Variants in SLC35E4 observed in about 807,000 individuals in gnomAD.
SLC35E4 encodes the protein solute carrier family 35, member E4.
SLC35E4 carries 15 observed loss-of-function variants against 19.3 expected under a neutral mutation model. That is an observed-to-expected ratio of 0.78 (90% CI 0.52 to 1.20). SLC35E4 has a LOEUF of 1.20. Ranked by LOEUF, SLC35E4 falls within the 50% of genes most tolerant of loss-of-function variation. The pLI, the probability that SLC35E4 is intolerant of heterozygous loss-of-function variation, is 0.00. For missense variants in SLC35E4, 406 were observed against 472.3 expected (o/e 0.86, Z 1.30); for synonymous variants, 219 against 219.9 (o/e 1.00, Z 0.04).
At chr22:30,652,870 G>A (rs1453930695), downstream of SLC35E4, among the ~76,000 whole-genome samples, 4 of 152,214 alleles carry the variant, frequency 2.6e-5, no homozygotes, top group Admixed American at 2.0e-4. Flanking sequence ...TATTTAGTGT[G>A]AGCCCTTCCC....
chr22:30,649,635 G>A (rs2088180509), downstream of SLC35E4, among the ~76,000 whole-genome samples: 1 of 149,276 alleles, frequency 6.7e-6, no homozygotes, highest in Admixed American at 6.7e-5. Context: ...AGATGCCGCT[G>A]GCCCAGCCCA....
chr22:30,667,898 C>T (rs971295766), downstream of SLC35E4: 1 of 152,484 alleles, frequency 6.6e-6, no homozygotes, highest in Admixed American at 6.5e-5. Context: ...GACACTCCCT[C>T]CCCGGCCCCG....
At position 30,636,934 on chromosome 22, in the gene SLC35E4, C is replaced by G. The variant is rs1290903112; in HGVS notation, c.484C>G (p.Leu162Val). The part of the protein sequence containing the change: ...ALLLGRRHHP[L>V]QLAAMGPLCL... ...GCTGCTGGGCCGCCGCCACCACCCA[C>G]TTCAGTTGGCCGCCATGGGTCCGCT... Residue 162 changes from leucine (L) to valine (V), a missense_variant, in exon 1 of 2, where the codon CTT (leucine) becomes GTT (valine). Transcript: ENST00000343605. 3.7e-6 allele frequency: 6 copies of G among 1,612,136 alleles called. No homozygotes were observed. Among genetic ancestry groups the G allele is most frequent in the Non-Finnish European group, 3.4e-6 (4 of 1,179,306 alleles).
At chr22:30,663,214 C>G (rs2088527661) in exon 3 of SLC35E4, 1 of 548,656 alleles carries the variant, frequency 1.8e-6, no homozygotes, top group Non-Finnish European at 3.2e-6. Flanking sequence ...GCCAGTGTCA[C>G]TCACAGGGCA....
chr22:30,640,319 C>T (rs568913036), intron 1 of SLC35E4, among the ~76,000 whole-genome samples: 103 of 148,996 alleles, frequency 6.9e-4, no homozygotes, highest in African/African-American at 2.4e-3. Context: ...TGCAGTGAGC[C>T]GAGATCACGC....
chr22:30,649,056 C>A, downstream of SLC35E4: 1 of 649,990 alleles, frequency 1.5e-6, no homozygotes, highest in Non-Finnish European at 2.9e-6. Flanking sequence ...CCAGCTACCT[C>A]TCCTGGAGAT....
In SLC35E4 at chr22:30,646,605, G is replaced by A. The variant is rs55846646; in HGVS notation, c.627G>A (p.Leu209=). ...GCGGTTGTCCTGTTGCAGGTGCCCT[G>A]CTGCAGGAGGAGAGGCTGGACGCGG... ...RGLKSVQQSA[L]LQEERLDAVT... is the part of the protein sequence containing the mutation. Residue 209 remains leucine, a synonymous_variant, in exon 2 of 2, where the codon CTG becomes CTA. Coordinates refer to ENST00000343605, the MANE Select transcript of SLC35E4 (RefSeq NM_001001479.4). 0.034 allele frequency: 53,760 copies of A among 1,596,480 alleles called. 1,043 individuals are homozygous for A. Among genetic ancestry groups the A allele is most frequent in the Non-Finnish European group, 0.04 (46,388 of 1,169,696 alleles).
chr22:30,653,783 G>C (rs1310233595), intron 2 of SLC35E4: 1 of 152,098 alleles, frequency 6.6e-6, no homozygotes, highest in Non-Finnish European at 1.5e-5. Flanking sequence ...TGTTAGGCTG[G>C]AGCCCAAAAT....
intron 1 of SLC35E4, among the ~76,000 whole-genome samples, chr22:30,645,288 T>A (rs1010386504): frequency 1.3e-5 from 2 of 152,058 alleles, no homozygotes; most frequent in Admixed American, 1.3e-4. Context: ...ATGCAGAGTC[T>A]TCGAAGCTGG....
At chr22:30,641,312 C>T (rs1306007137) in intron 1 of SLC35E4, among the ~76,000 whole-genome samples, 5 of 152,174 alleles carry the variant, frequency 3.3e-5, no homozygotes, top group Non-Finnish European at 7.3e-5. Flanking sequence ...CCAGCTCCCT[C>T]CTTCCCTCCC....
chr22:30,641,297 T>A (rs1239120641), intron 1 of SLC35E4, among the ~76,000 whole-genome samples: 4 of 152,178 alleles, frequency 2.6e-5, no homozygotes, highest in Non-Finnish European at 5.9e-5. Context: ...GCATCTTGAC[T>A]CCTGCCAGCT....
At chr22:30,653,989 T>TG (rs939844666) in intron 2 of SLC35E4, 1 of 157,570 alleles carries the variant, frequency 6.3e-6, no homozygotes, top group African/African-American at 2.4e-5. Flanking sequence ...TTTTTTGTTT[T>TG]TTTTTTTTGA....
At chr22:30,648,554 C>T (rs1569060930), downstream of SLC35E4, among the ~76,000 whole-genome samples, 1 of 152,118 alleles carries the variant, frequency 6.6e-6, no homozygotes, top group Non-Finnish European at 1.5e-5. Context: ...GGGTTCGAGA[C>T]CAGCCTGGCC....
rs1339421995 is a variant in SLC35E4, at chr22:30,657,914, ATAATAATAAT to A, written c.*9-4145_*9-4136del. ...GCAAGACTCTGTCTCAAAAATAATA[ATAATAATAAT>A]AATAATAATAATAATAATAATAATA... On this transcript the variant is annotated intron_variant, in intron 2 of 2. Transcript: ENST00000406566. Among the ~76,000 whole-genome samples the A allele has an allele frequency of 2.9e-5, 3 of 104,368 alleles. No homozygotes were observed. The East Asian group carries it at 1.1e-3, about 38-fold the overall frequency. 68.5% of individuals were successfully genotyped at this position (104,368 alleles called of 152,430 possible). A position where few individuals can be genotyped will look rare whatever the true frequency, so the allele number is the denominator to read the frequency against.
At chr22:30,663,296 G>A in exon 3 of SLC35E4, 1 of 800,486 alleles carries the variant, frequency 1.2e-6, no homozygotes, top group Non-Finnish European at 1.9e-6. Flanking sequence ...AAAAGCTACA[G>A]CAACTCTTTT....
intron 1 of SLC35E4, among the ~76,000 whole-genome samples, chr22:30,640,668 C>T (rs2088023057): frequency 6.6e-6 from 1 of 152,200 alleles, no homozygotes. Context: ...GGTGCCCACT[C>T]AGGGTGGGGA....
At chr22:30,641,907 G>A (rs1405728132) in intron 1 of SLC35E4, among the ~76,000 whole-genome samples, 1 of 151,978 alleles carries the variant, frequency 6.6e-6, no homozygotes, top group South Asian at 2.1e-4. Flanking sequence ...GACTGGTTGG[G>A]CTGCCTGATT....
In SLC35E4 at chr22:30,646,581, C is replaced by A. The variant is rs765993021; in HGVS notation, c.620-17C>A. 1 of 1,582,178 alleles carries A rather than the reference C, an allele frequency of 6.3e-7. No individual in the cohort carries two copies. Among genetic ancestry groups the A allele is most frequent in the South Asian group, 1.2e-5 (1 of 85,554 alleles). ...GTTGTGTCCTTCTGGGTGCTCATGG[C>A]GGTTGTCCTGTTGCAGGTGCCCTGC... is the stretch of plus-strand genomic sequence containing the variant. On this transcript the variant is annotated splice_polypyrimidine_tract_variant and intron_variant, in intron 1 of 1. Coordinates refer to ENST00000343605, the MANE Select transcript of SLC35E4 (RefSeq NM_001001479.4).
chr22:30,663,812 G>T, downstream of SLC35E4: 1 of 1,614,202 alleles, frequency 6.2e-7, no homozygotes, highest in African/African-American at 1.3e-5. Flanking sequence ...GCATGTACTG[G>T]ATATCCTCAT....
Sources: gnomAD v4.1 joint callset for allele counts (sites outside exome capture counted in the v4.1 genomes callset) on GRCh38, gnomAD v4.1.1 for gene constraint, MANE v1.5 for transcripts, NCBI Gene and HGNC (gene_info 2026-07-23, HGNC 2026-07-21) for gene names.